The following ZFHX3 variants were observed in gnomAD, a reference collection of about 807,000 sequenced individuals.
ZFHX3 encodes the protein zinc finger homeobox 3.
In ZFHX3, 42 loss-of-function variants were observed where a neutral mutation model predicts 279.1. The ratio of observed to expected loss-of-function variants is 0.15; its 90% CI spans 0.12 to 0.19. ZFHX3 has a LOEUF of 0.19. Ranked by LOEUF, ZFHX3 falls within the 10% of genes least tolerant of loss-of-function variation. ZFHX3 has a pLI of 1.00. For synonymous variants in ZFHX3, 2,293 were observed against 1,957.8 expected (o/e 1.17, Z -4.52); for missense variants, 4,981 against 4,754.0 (o/e 1.05, Z -1.40).
At chr16:73,142,579 C>T (rs1165482679) in intron 6 of ZFHX3, among the ~76,000 whole-genome samples, 2 of 152,112 alleles carry the variant, frequency 1.3e-5, no homozygotes, top group Non-Finnish European at 2.9e-5. Flanking sequence ...AGCAGTGAGG[C>T]TAAGAGATAC....
At chr16:73,803,379 C>A (rs61682689) in intron 1 of ZFHX3, among the ~76,000 whole-genome samples, 4 of 152,032 alleles carry the variant, frequency 2.6e-5, no homozygotes, top group African/African-American at 9.7e-5. Context: ...TAATAGCTAG[C>A]GCTGGGGATA....
At chr16:73,534,390 C>T (rs1288528060) in intron 2 of ZFHX3, among the ~76,000 whole-genome samples, 1 of 152,182 alleles carries the variant, frequency 6.6e-6, no homozygotes. Flanking sequence ...CTGCCACCAA[C>T]TCCAGACCTT....
intron 2 of ZFHX3, among the ~76,000 whole-genome samples, chr16:73,589,897 G>T (rs2051976372): frequency 6.6e-6 from 1 of 152,052 alleles, no homozygotes; most frequent in Non-Finnish European, 1.5e-5. Flanking sequence ...TGTGTAACTA[G>T]TTGGAAACAT....
intron 3 of ZFHX3, among the ~76,000 whole-genome samples, chr16:72,899,011 A>G (rs907947782): frequency 2.0e-5 from 3 of 151,904 alleles, no homozygotes; most frequent in African/African-American, 7.3e-5. Context: ...ACCTCAAACT[A>G]CTCTCCAGAA....
chr16:73,220,822 T>C (rs900972742), intron 5 of ZFHX3, among the ~76,000 whole-genome samples: 5 of 152,086 alleles, frequency 3.3e-5, no homozygotes, highest in African/African-American at 4.8e-5. Context: ...AATAACATCC[T>C]CCTTTTTGTA....
intron 3 of ZFHX3, among the ~76,000 whole-genome samples, chr16:72,895,552 G>C (rs2144103005): frequency 6.6e-6 from 1 of 152,332 alleles, no homozygotes; most frequent in South Asian, 2.1e-4. Flanking sequence ...GGCCAGGCGT[G>C]GTGGCTCACG....
chr16:73,540,940 G>A (rs904349324), intron 2 of ZFHX3, among the ~76,000 whole-genome samples: 6 of 152,060 alleles, frequency 3.9e-5, no homozygotes, highest in African/African-American at 1.4e-4. Context: ...TTGGACCCAG[G>A]AAAATGAGAT....
At chr16:73,698,857 G>A (rs973107304) in intron 1 of ZFHX3, among the ~76,000 whole-genome samples, 1 of 105,634 alleles carries the variant, frequency 9.5e-6, no homozygotes, top group Non-Finnish European at 1.9e-5. Flanking sequence ...TTCAAATACA[G>A]TTTTATTTTT....
At chr16:73,289,681 G>A (rs2014719385) in intron 4 of ZFHX3, among the ~76,000 whole-genome samples, 1 of 152,084 alleles carries the variant, frequency 6.6e-6, no homozygotes, top group Non-Finnish European at 1.5e-5. Flanking sequence ...CAAAGCCAGT[G>A]TGGCTGGTCT....
At chr16:73,638,131 C>T (rs2052544402) in intron 2 of ZFHX3, among the ~76,000 whole-genome samples, 1 of 152,002 alleles carries the variant, frequency 6.6e-6, no homozygotes, top group African/African-American at 2.4e-5. Context: ...TCAAGAGTCA[C>T]AAAATGATCA....
chr16:73,394,630 A>T (rs2017090322), intron 3 of ZFHX3, among the ~76,000 whole-genome samples: 1 of 152,170 alleles, frequency 6.6e-6, no homozygotes, highest in Admixed American at 6.5e-5. Flanking sequence ...CTTTACATGA[A>T]CAGAGACAGA....
chr16:73,716,168 A>C (rs2053412465), intron 1 of ZFHX3, among the ~76,000 whole-genome samples: 1 of 152,096 alleles, frequency 6.6e-6, no homozygotes, highest in South Asian at 2.1e-4. Context: ...AATGACTTCC[A>C]TTTCTTTTGC....
At chr16:73,612,286 G>A (rs116752541) in intron 2 of ZFHX3, among the ~76,000 whole-genome samples, 286 of 152,116 alleles carry the variant, frequency 1.9e-3, no homozygotes, top group African/African-American at 6.5e-3. Flanking sequence ...CTGCTCTATT[G>A]CACTGAAACC....
chr16:73,110,787 G>C (rs576831015), intron 7 of ZFHX3, among the ~76,000 whole-genome samples: 3 of 152,100 alleles, frequency 2.0e-5, no homozygotes, highest in Non-Finnish European at 4.4e-5. Flanking sequence ...TGGTCTTGAA[G>C]TTCTGGGCTC....
intron 3 of ZFHX3, among the ~76,000 whole-genome samples, chr16:72,898,554 GGCTTT>G (rs1296874421): frequency 6.6e-6 from 1 of 152,110 alleles, no homozygotes; most frequent in Non-Finnish European, 1.5e-5. Flanking sequence ...TACCTGCCTT[GGCTTT>G]GACTCTTTCC....
In ZFHX3 at chr16:72,784,318, GA is replaced by G. The variant is rs1450244317; in HGVS notation, c.*2845del. 6.7e-6 allele frequency: 1 copy of G among 149,504 alleles called. No individual in the cohort carries two copies. The highest frequency in any genetic ancestry group is 1.5e-5 in the Non-Finnish European group (1 of 67,462). The allele number at this position is 149,504 out of a possible 1,614,324, so 9.3% of individuals were successfully genotyped here. A position where few individuals can be genotyped will look rare whatever the true frequency, so the allele number is the denominator to read the frequency against. On this transcript the variant is annotated 3_prime_UTR_variant, in exon 10 of 10. Transcript: ENST00000268489. ...AGGGAGGGGGCAGCAAAATTATAAA[GA>G]AAAGAACTTAAAAGTTGAGGGGGGA...
At chr16:72,893,187 T>C (rs2038815491) in intron 3 of ZFHX3, among the ~76,000 whole-genome samples, 1 of 152,112 alleles carries the variant, frequency 6.6e-6, no homozygotes. Context: ...GCAGAGACAA[T>C]AACCATGAAA....
intron 5 of ZFHX3, among the ~76,000 whole-genome samples, chr16:73,255,787 C>T (rs1156668694): frequency 6.6e-6 from 1 of 152,164 alleles, no homozygotes; most frequent in African/African-American, 2.4e-5. Flanking sequence ...GCCTGAAATG[C>T]CACATAATCC....
intron 1 of ZFHX3, among the ~76,000 whole-genome samples, chr16:73,797,609 GC>G (rs1222297858): frequency 2.0e-5 from 3 of 152,048 alleles, no homozygotes; most frequent in African/African-American, 7.2e-5. Flanking sequence ...AAATTCAGAA[GC>G]CAACCACGGT....
Sources: allele counts gnomAD v4.1 joint callset (sites outside exome capture counted in the v4.1 genomes callset), GRCh38; gene constraint gnomAD v4.1.1; transcripts MANE v1.5; gene names NCBI Gene and HGNC (gene_info 2026-07-23, HGNC 2026-07-21).